The following NGFR variants were observed in gnomAD, a reference collection of about 807,000 sequenced individuals.
NGFR encodes tumor necrosis factor receptor superfamily member 16.
In NGFR, 30 loss-of-function variants were observed where a neutral mutation model predicts 43.2. The observed-to-expected ratio is 0.69, with a 90% CI of 0.52 to 0.94. The LOEUF is 0.94. NGFR is among the 40% of genes least tolerant of loss of function. The pLI is 0.00. For synonymous variants in NGFR, 246 were observed against 259.6 expected (o/e 0.95, Z 0.50); for missense variants, 529 against 602.5 (o/e 0.88, Z 1.28).
In NGFR at chr17:49,512,382, T is replaced by C. The variant is rs537467327; in HGVS notation, c.983-326T>C. Among the ~76,000 whole-genome samples, 1 of 152,326 alleles carries C rather than the reference T, an allele frequency of 6.6e-6. No homozygotes were observed. The highest frequency in any genetic ancestry group is 1.9e-4 in the East Asian group (1 of 5,186). On this transcript the variant is annotated intron_variant, in intron 5 of 5. Coordinates refer to ENST00000172229, the MANE Select transcript of NGFR (RefSeq NM_002507.4). The surrounding 1 kb of genome is among the most constrained non-coding windows in gnomAD (Gnocchi z 5.2). ...ACAAGTAGTTAAGTGTGTACCCTAATTAGTGGCCCATAGCCCAGCTCCGGG... is the reference window on the plus strand; with the variant it reads ...ACAAGTAGTTAAGTGTGTACCCTAACTAGTGGCCCATAGCCCAGCTCCGGG...
At position 49,495,800 on chromosome 17, in the gene NGFR, G is replaced by C; in HGVS notation, c.66+317G>C. The C allele has an allele frequency of 3.0e-6, 1 of 333,560 alleles. No individual in the cohort carries two copies. Among genetic ancestry groups the C allele is most frequent in the Non-Finnish European group, 5.4e-6 (1 of 184,284 alleles). 20.7% of individuals were successfully genotyped at this position (333,560 alleles called of 1,614,324 possible). The stretch of plus-strand genomic sequence containing the variant: ...GGGCTCTCCGATGCCCAGGTTCTTC[G>C]GAAGAGGACACTCGAATGCCGGGAT... On this transcript the variant is annotated intron_variant, in intron 1 of 5. Coordinates refer to ENST00000172229, the MANE Select transcript of NGFR (RefSeq NM_002507.4). The surrounding 1 kb of genome is among the most constrained non-coding windows in gnomAD (Gnocchi z 6.4).
At chr17:49,508,827 C>T (rs1027282349) in intron 3 of NGFR, among the ~76,000 whole-genome samples, 2 of 152,118 alleles carry the variant, frequency 1.3e-5, no homozygotes, top group Non-Finnish European at 2.9e-5. Context: ...TCTGGCCACG[C>T]CTTGCTACCC....
chr17:49,499,986 ACT>A (rs1349313096), intron 1 of NGFR, among the ~76,000 whole-genome samples: 1 of 151,360 alleles, frequency 6.6e-6, no homozygotes, highest in African/African-American at 2.4e-5. Flanking sequence ...TTCAGGTCAC[ACT>A]CTGGTAGCAG....
In NGFR at chr17:49,506,631, A is replaced by T. The variant is rs2071200455; in HGVS notation, c.541A>T (p.Thr181Ser). ...EDTERQLREC[T>S]RWADAECEEI... The stretch of plus-strand genomic sequence containing the variant: ...CACCGAGCGCCAGCTCCGCGAGTGC[A>T]CACGCTGGGCCGACGCCGAGTGCGA... The change falls in exon 3 of 6, where the codon ACA (threonine) becomes TCA (serine). Residue 181 changes from threonine to serine, a missense_variant. Thr to Ser is a moderately conservative substitution (Grantham distance 58, BLOSUM62 1). Coordinates refer to ENST00000172229, the MANE Select transcript of NGFR (RefSeq NM_002507.4). 1.3e-6 allele frequency: 2 copies of T among 1,518,206 alleles called. No individual in the cohort carries two copies. 94.0% of individuals were successfully genotyped at this position (1,518,206 alleles called of 1,614,324 possible). A position where few individuals can be genotyped will look rare whatever the true frequency, so the allele number is the denominator to read the frequency against.
intron 3 of NGFR, among the ~76,000 whole-genome samples, chr17:49,508,635 C>T (rs554707183): frequency 1.3e-5 from 2 of 152,322 alleles, no homozygotes; most frequent in East Asian, 1.9e-4. Flanking sequence ...CAGTGAAATT[C>T]GGTTTGAATA....
intron 3 of NGFR, among the ~76,000 whole-genome samples, chr17:49,509,836 G>A (rs1278632241): frequency 6.6e-6 from 1 of 152,210 alleles, no homozygotes; most frequent in Admixed American, 6.5e-5. Context: ...TGAGACATGA[G>A]GTCAAAAAGT....
rs200867427 is a variant in NGFR at position 49,510,444 on chromosome 17, C to G, written c.601C>G (p.Pro201Ala). 9.7e-5 allele frequency: 157 copies of G among 1,613,910 alleles called. No individual in the cohort carries two copies. The highest frequency in any genetic ancestry group is 1.2e-4 in the Non-Finnish European group (139 of 1,179,990). The change falls in exon 4 of 6, where the codon CCC (proline) becomes GCC (alanine). Residue 201 changes from proline to alanine, a missense_variant. Physicochemically the swap from Pro to Ala is conservative, Grantham distance 27 (BLOSUM62 -1). Coordinates refer to ENST00000172229, the MANE Select transcript of NGFR (RefSeq NM_002507.4). ...TGGCCGTTGGATTACACGGTCCACA[C>G]CCCCAGAGGGCTCGGACAGCACAGC... ...IPGRWITRST[P>A]PEGSDSTAPS...
intron 2 of NGFR, among the ~76,000 whole-genome samples, chr17:49,503,009 G>A (rs940058737): frequency 6.6e-6 from 1 of 152,066 alleles, no homozygotes; most frequent in Non-Finnish European, 1.5e-5. Flanking sequence ...TCCACCTCCT[G>A]GTTTCAAGTG....
chr17:49,495,299 A>T lies in NGFR; in HGVS notation c.-119A>T. 1 of 831,510 alleles carries T rather than the reference A, an allele frequency of 1.2e-6. No individual in the cohort carries two copies. Among genetic ancestry groups the T allele is most frequent in the Non-Finnish European group, 1.6e-6 (1 of 625,308 alleles). 51.5% of individuals were successfully genotyped at this position (831,510 alleles called of 1,614,324 possible). A position where few individuals can be genotyped will look rare whatever the true frequency, so the allele number is the denominator to read the frequency against. The stretch of plus-strand genomic sequence containing the variant: ...GCCTCTCCCGCCCGCAGCCAGAGCG[A>T]GCCGAGCCGCGGCCAGCTCCGGCGG... On this transcript the variant is annotated 5_prime_UTR_variant, in exon 1 of 6. Coordinates refer to ENST00000172229, the MANE Select transcript of NGFR (RefSeq NM_002507.4). The surrounding 1 kb of genome is among the most constrained non-coding windows in gnomAD (Gnocchi z 6.4).
At chr17:49,509,638 C>T (rs2071219421) in intron 3 of NGFR, among the ~76,000 whole-genome samples, 1 of 152,222 alleles carries the variant, frequency 6.6e-6, no homozygotes, top group Non-Finnish European at 1.5e-5. Flanking sequence ...GCCCCTTCTC[C>T]ACTGGCTCTC....
At chr17:49,502,313 C>A in intron 2 of NGFR, 109 bp downstream of exon 2, 1 of 1,247,324 alleles carries the variant, frequency 8.0e-7, no homozygotes, top group Non-Finnish European at 1.1e-6. Flanking sequence ...CTTATAAGAC[C>A]ACCACTGTAA....
chr17:49,512,952 G>A lies in NGFR; in HGVS notation c.1227G>A (p.Gln409=), dbSNP rs771204579. ...DALLAALRRI[Q]RADLVESLCS... Reference sequence around the variant, plus strand: ...TCCTGGCCGCCCTGCGCCGCATCCAGCGAGCCGACCTCGTGGAGAGTCTGT... The same window carrying A: ...TCCTGGCCGCCCTGCGCCGCATCCAACGAGCCGACCTCGTGGAGAGTCTGT... The change falls in exon 6 of 6, where the codon CAG becomes CAA. Residue 409 remains glutamine, a synonymous_variant. Coordinates refer to ENST00000172229, the MANE Select transcript of NGFR (RefSeq NM_002507.4). This position sits in a 1 kb window ranked among gnomAD's most constrained non-coding sequence, Gnocchi z 5.2. The A allele has an allele frequency of 3.1e-6, 5 of 1,609,562 alleles. No homozygotes were observed. The African/African-American group carries it at 6.7e-5, about 22-fold the overall frequency.
In NGFR at chr17:49,506,671, C is replaced by CG. The variant is rs1330107876; in HGVS notation, c.568+19dup. 8.6e-6 allele frequency: 1 copy of CG among 116,710 alleles called. No individual in the cohort carries two copies. Among genetic ancestry groups the CG allele is most frequent in the Non-Finnish European group, 1.0e-5 (1 of 95,874 alleles). The allele number at this position is 116,710 out of a possible 1,614,324, so 7.2% of individuals were successfully genotyped here. On this transcript the variant is annotated intron_variant, in intron 3 of 5. Coordinates refer to ENST00000172229, the MANE Select transcript of NGFR (RefSeq NM_002507.4). ...GCCGAGTGCGAGGGTGAGTGCGGTT[C>CG]GGGGGGCGGGGGGAGTGGGGGTGCG...
intron 1 of NGFR, among the ~76,000 whole-genome samples, chr17:49,499,878 C>T (rs1250409688): frequency 2.6e-5 from 4 of 152,182 alleles, no homozygotes; most frequent in Non-Finnish European, 5.9e-5. Context: ...TAAGCCACCA[C>T]GCCCGGCCGG....
At chr17:49,498,492 G>T (rs1383693629) in intron 1 of NGFR, among the ~76,000 whole-genome samples, 2 of 152,146 alleles carry the variant, frequency 1.3e-5, no homozygotes, top group Non-Finnish European at 2.9e-5. Context: ...GGTGACCACG[G>T]CCCCATTCAC....
rs1001985864 is a variant in NGFR at position 49,512,240 on chromosome 17, G to A, written c.982+188G>A. ...GGTCCTCTCTAGAGGAACGACTTGG[G>A]AAATGGAGGCTTTTACAAGTTGGAG... On this transcript the variant is annotated intron_variant, in intron 5 of 5. Transcript: ENST00000172229. This position sits in a 1 kb window ranked among gnomAD's most constrained non-coding sequence, Gnocchi z 5.2. Among the ~76,000 whole-genome samples, 84 of 152,326 alleles carry A rather than the reference G, an allele frequency of 5.5e-4. 1 individual carries two copies. The highest frequency in any genetic ancestry group is 1.5e-3 in the South Asian group (7 of 4,824).
chr17:49,503,530 G>A lies in NGFR; in HGVS notation c.208+1326G>A, dbSNP rs79998632. 7.8e-3 allele frequency among the ~76,000 whole-genome samples: 1,192 copies of A among 152,302 alleles called. 18 individuals carry two copies. The highest frequency in any genetic ancestry group is 0.027 in the African/African-American group (1,124 of 41,554). ...AGAGCTGGGGCCTCTGAACCCACCT[G>A]CGGACCTAGTGTTACCTCTGGATGT... On this transcript the variant is annotated intron_variant, in intron 2 of 5. Coordinates refer to ENST00000172229, the MANE Select transcript of NGFR (RefSeq NM_002507.4).
intron 1 of NGFR, 64 bp from the exon 2 acceptor site, chr17:49,501,999 A>ATGCCCCCCCCCCCC: frequency 3.0e-6 from 1 of 330,984 alleles, no homozygotes; most frequent in Non-Finnish European, 5.9e-6. Context: ...TCCCCGGAAG[A>ATGCCCCCCCCCCCC]ACCCCCCCCA....
Position 49,506,643 on chromosome 17 carries a change from G to A in NGFR, c.553G>A (p.Asp185Asn), listed in dbSNP as rs373636605. The A allele has an allele frequency of 3.6e-5, 56 of 1,543,748 alleles. 1 individual carries two copies. The East Asian group carries it at 5.9e-4, about 16-fold the overall frequency. The change falls in exon 3 of 6, where the codon GAC becomes AAC. Residue 185 changes from aspartate to asparagine, a missense_variant. Asp to Asn is a conservative substitution (Grantham distance 23). Coordinates refer to ENST00000172229, the MANE Select transcript of NGFR (RefSeq NM_002507.4). Reference protein sequence around the residue: ...RQLRECTRWADAECEEIPGRW... With the variant: ...RQLRECTRWANAECEEIPGRW... ...GCTCCGCGAGTGCACACGCTGGGCC[G>A]ACGCCGAGTGCGAGGGTGAGTGCGG...
Sources: gnomAD v4.1 joint callset for allele counts (sites outside exome capture counted in the v4.1 genomes callset) on GRCh38, gnomAD v4.1.1 for gene constraint, Gnocchi (gnomAD v3.1) non-coding constraint, MANE v1.5 for transcripts, NCBI Gene and HGNC (gene_info 2026-07-23, HGNC 2026-07-21) for gene names.